The following OLFM2 variants were observed in gnomAD, a reference collection of about 807,000 sequenced individuals.
The protein encoded by OLFM2 is olfactomedin 2, also known as noelin-2.
OLFM2 carries 20 observed loss-of-function variants against 43.9 expected under a neutral mutation model. That is an observed-to-expected ratio of 0.46 (90% CI 0.32 to 0.66). OLFM2 has a LOEUF of 0.66. Among genes scored for constraint, OLFM2 ranks in the 30% least tolerant of loss-of-function variants. OLFM2 has a pLI of 0.04. For missense variants in OLFM2, 416 were observed against 643.6 expected (o/e 0.65, Z 3.83); for synonymous variants, 268 against 278.6 (o/e 0.96, Z 0.38).
intron 1 of OLFM2, among the ~76,000 whole-genome samples, chr19:9,907,617 G>A (rs371332646): frequency 2.6e-5 from 4 of 152,090 alleles, no homozygotes; most frequent in African/African-American, 4.8e-5. Context: ...CAGGGTCCCC[G>A]TCAGGGTCCT....
chr19:9,890,243 G>A (rs767474036), intron 1 of OLFM2, among the ~76,000 whole-genome samples: 11 of 152,168 alleles, frequency 7.2e-5, no homozygotes, highest in African/African-American at 9.7e-5. Flanking sequence ...GGGCAGAGAA[G>A]GTGTCTGCAC....
At chr19:9,896,195 G>A (rs549019174) in intron 1 of OLFM2, among the ~76,000 whole-genome samples, 1 of 147,668 alleles carries the variant, frequency 6.8e-6, no homozygotes, top group African/African-American at 2.5e-5. Context: ...CCGCGTCCCG[G>A]GTTCATGCCA....
rs1191839462 is a variant in OLFM2, at chr19:9,900,997, AGGG to A, written c.63+35304_63+35306del. ...AAGGAAGGAAGGAAGGAAGGGAGGGAGGGGGGAGGGAGGGAAGGAGGAAGGGAG... is the reference window on the plus strand; with the variant it reads ...AAGGAAGGAAGGAAGGAAGGGAGGGAGGGAGGGAGGGAAGGAGGAAGGGAG... On this transcript the variant is annotated intron_variant, in intron 1 of 5. Transcript: ENST00000264833. Among the ~76,000 whole-genome samples, 442 of 46,886 alleles carry A rather than the reference AGGG, an allele frequency of 9.4e-3. 19 individuals are homozygous for A. Among genetic ancestry groups the A allele is most frequent in the African/African-American group, 0.045 (427 of 9,426 alleles). The allele number at this position is 46,886 out of a possible 152,430, so 30.8% of individuals were successfully genotyped here.
intron 1 of OLFM2, among the ~76,000 whole-genome samples, chr19:9,916,167 G>C (rs1248723831): frequency 6.6e-6 from 1 of 152,062 alleles, no homozygotes; most frequent in Non-Finnish European, 1.5e-5. Context: ...GACCAGCCTG[G>C]CCAACATGGT....
intron 1 of OLFM2, among the ~76,000 whole-genome samples, chr19:9,903,368 G>A (rs570068690): frequency 1.1e-3 from 169 of 152,266 alleles, no homozygotes; most frequent in African/African-American, 4.0e-3. Context: ...CCACATGTAT[G>A]CTCACCAGGA....
At chr19:9,918,944 T>C (rs2086402396) in intron 1 of OLFM2, among the ~76,000 whole-genome samples, 1 of 152,142 alleles carries the variant, frequency 6.6e-6, no homozygotes, top group Non-Finnish European at 1.5e-5. Context: ...ATCGGGGTGA[T>C]GGCTGCACAA....
At chr19:9,883,550 C>T (rs763046299) in intron 1 of OLFM2, among the ~76,000 whole-genome samples, 8 of 152,096 alleles carry the variant, frequency 5.3e-5, no homozygotes, top group Non-Finnish European at 1.2e-4. Context: ...AGGCCCGTGG[C>T]CCCCCAGCTT....
chr19:9,891,390 C>T (rs184961533), intron 1 of OLFM2, among the ~76,000 whole-genome samples: 256 of 149,528 alleles, frequency 1.7e-3, no homozygotes, highest in African/African-American at 6.2e-3. Flanking sequence ...TTTGGGAGGC[C>T]GAGGTAGGTG....
rs192756331 is a variant in OLFM2, at chr19:9,933,972, C to T, written c.63+2332G>A. On this transcript the variant is annotated intron_variant, in intron 1 of 5. Transcript: ENST00000264833. ...GTTATTCGGCTCTTTTCTGTCTCCT[C>T]TGCTAGGTCAACTCCAGGAGAGCAG... Among the ~76,000 whole-genome samples the T allele has an allele frequency of 8.3e-4, 127 of 152,338 alleles. 1 individual carries two copies. The highest frequency in any genetic ancestry group is 3.7e-3 in the South Asian group (18 of 4,830).
rs542593284 is a variant in OLFM2, at chr19:9,854,068, G to A, written c.*118C>T. ...CAGAGAACAAAAGCCCAGCAAAAAG[G>A]CGGGGAGAAAGGGCGTGACAGAGAC... is the stretch of plus-strand genomic sequence containing the variant. On this transcript the variant is annotated 3_prime_UTR_variant, in exon 6 of 6. Transcript: ENST00000264833. The surrounding 1 kb of genome is among the most constrained non-coding windows in gnomAD (Gnocchi z 9.5). 5.8e-4 allele frequency: 506 copies of A among 870,028 alleles called. No homozygotes were observed. Among genetic ancestry groups the A allele is most frequent in the Admixed American group, 2.0e-3 (77 of 38,960 alleles). The allele number at this position is 870,028 out of a possible 1,614,324, so 53.9% of individuals were successfully genotyped here.
At chr19:9,914,994 C>G (rs1174961165) in intron 1 of OLFM2, among the ~76,000 whole-genome samples, 1 of 151,976 alleles carries the variant, frequency 6.6e-6, no homozygotes, top group Non-Finnish European at 1.5e-5. Flanking sequence ...CTAGGGGTCT[C>G]GAACCGTCTT....
At chr19:9,887,501 T>A (rs886772015) in intron 1 of OLFM2, among the ~76,000 whole-genome samples, 2 of 152,028 alleles carry the variant, frequency 1.3e-5, no homozygotes, top group Non-Finnish European at 2.9e-5. Flanking sequence ...CTTATACCAA[T>A]GCATCAGCCT....
rs532322252 is a variant in OLFM2 at position 9,863,584 on chromosome 19, A to G, written c.64-2790T>C. ...AACCCCAGTGTTTTACAGAGAAACAAAGCACCACAATCATTGATCATTTGC... is the reference window on the plus strand; with the variant it reads ...AACCCCAGTGTTTTACAGAGAAACAGAGCACCACAATCATTGATCATTTGC... On this transcript the variant is annotated intron_variant, in intron 1 of 5. Coordinates refer to ENST00000264833, the MANE Select transcript of OLFM2 (RefSeq NM_058164.4). Among the ~76,000 whole-genome samples, 6 of 152,116 alleles carry G rather than the reference A, an allele frequency of 3.9e-5. No homozygotes were observed. The East Asian group carries it at 1.2e-3, about 29-fold the overall frequency.
intron 1 of OLFM2, among the ~76,000 whole-genome samples, chr19:9,903,370 T>G (rs1392402729): frequency 6.6e-6 from 1 of 152,088 alleles, no homozygotes. Context: ...ACATGTATGC[T>G]CACCAGGAGC....
chr19:9,899,763 G>A (rs2046715128), intron 1 of OLFM2, among the ~76,000 whole-genome samples: 1 of 151,854 alleles, frequency 6.6e-6, no homozygotes, highest in Non-Finnish European at 1.5e-5. Context: ...ATGTTGCCCA[G>A]TCTGGTCTTG....
chr19:9,927,251 C>A (rs2086459167), intron 1 of OLFM2, among the ~76,000 whole-genome samples: 1 of 151,940 alleles, frequency 6.6e-6, no homozygotes, highest in African/African-American at 2.4e-5. Flanking sequence ...CACTGCACTC[C>A]AGCCTGGGCG....
At chr19:9,931,670 C>T (rs921029455) in intron 1 of OLFM2, among the ~76,000 whole-genome samples, 5 of 147,926 alleles carry the variant, frequency 3.4e-5, no homozygotes, top group African/African-American at 1.3e-4. Flanking sequence ...CAATACTGTA[C>T]TGTACTCCAG....
chr19:9,873,796 ATTTTTTTTTTTTTTTT>A (rs71188848), intron 1 of OLFM2, among the ~76,000 whole-genome samples: 31 of 70,484 alleles, frequency 4.4e-4, no homozygotes, highest in Non-Finnish European at 5.0e-4. Context: ...TGCCCAGCTA[ATTTTTTTTTTTTTTTT>A]TTTTTTTTTT....
chr19:9,869,424 C>T (rs763511224), intron 1 of OLFM2, among the ~76,000 whole-genome samples: 2 of 152,066 alleles, frequency 1.3e-5, no homozygotes, highest in Non-Finnish European at 2.9e-5. Context: ...CTTCACCATT[C>T]GCTTGCTGTG....
Sources: gnomAD v4.1 joint callset for allele counts (sites outside exome capture counted in the v4.1 genomes callset) on GRCh38, gnomAD v4.1.1 for gene constraint, Gnocchi (gnomAD v3.1) non-coding constraint, MANE v1.5 for transcripts, NCBI Gene and HGNC (gene_info 2026-07-23, HGNC 2026-07-21) for gene names.